CD36: variants seen among roughly 807,000 people sequenced by gnomAD.
CD36 encodes the protein CD36 molecule (CD36 blood group).
In CD36, 119 loss-of-function variants were observed where a neutral mutation model predicts 55.2. That is an observed-to-expected ratio of 2.15 (90% CI 1.86 to 2.51). CD36 has a LOEUF of 2.51. Among genes scored for constraint, CD36 ranks in the 30% most tolerant of loss-of-function variants. The pLI, the probability that CD36 is intolerant of heterozygous loss-of-function variation, is 0.00. For missense variants in CD36, 819 were observed against 555.5 expected (o/e 1.47, Z -4.77); for synonymous variants, 186 against 193.6 (o/e 0.96, Z 0.33).
upstream of CD36, among the ~76,000 whole-genome samples, chr7:80,634,904 C>A (rs1794296132): frequency 6.6e-6 from 1 of 151,594 alleles, no homozygotes; most frequent in Admixed American, 6.6e-5. Flanking sequence ...GTAAACATTT[C>A]TGTAAGTTAC....
chr7:80,604,399 A>G (rs1389224588), intron 1 of CD36, among the ~76,000 whole-genome samples: 1 of 75,552 alleles, frequency 1.3e-5, no homozygotes. Context: ...TTAGCAAAGT[A>G]TGCCATTGGT....
At chr7:80,622,089 A>G (rs903602364) in intron 1 of CD36, among the ~76,000 whole-genome samples, 1 of 152,232 alleles carries the variant, frequency 6.6e-6, no homozygotes, top group Non-Finnish European at 1.5e-5. Context: ...CTGAGTCCGT[A>G]AAAGGCCCCA....
upstream of CD36, among the ~76,000 whole-genome samples, chr7:80,637,876 G>C (rs1046382145): frequency 2.0e-5 from 3 of 149,950 alleles, no homozygotes; most frequent in Middle Eastern, 7.0e-3. Flanking sequence ...AAAGTGCAAG[G>C]CCTTCTATTT....
intron 14 of CD36, among the ~76,000 whole-genome samples, chr7:80,674,973 C>T (rs73378970): frequency 1.1e-3 from 170 of 152,234 alleles, no homozygotes; most frequent in African/African-American, 3.8e-3. Flanking sequence ...AGCATCCATT[C>T]TATCTTCTAG....
intron 1 of CD36, among the ~76,000 whole-genome samples, chr7:80,629,647 A>G (rs1390490618): frequency 2.0e-5 from 3 of 152,036 alleles, no homozygotes; most frequent in Admixed American, 6.6e-5. Flanking sequence ...AAGTCTTGAA[A>G]TGTTGCTTTC....
chr7:80,666,831 T>C (rs1348447211), intron 8 of CD36, among the ~76,000 whole-genome samples: 1 of 152,170 alleles, frequency 6.6e-6, no homozygotes, highest in Non-Finnish European at 1.5e-5. Flanking sequence ...ATAAATAGTA[T>C]ACAGATAAGT....
intron 1 of CD36, among the ~76,000 whole-genome samples, chr7:80,603,258 T>A (rs1230802587): frequency 6.6e-6 from 1 of 152,148 alleles, no homozygotes; most frequent in African/African-American, 2.4e-5. Context: ...CAGTTCCTTC[T>A]GTTTCTCCAT....
chr7:80,670,689 T>TAAA, intron 9 of CD36: 1 of 407,158 alleles, frequency 2.5e-6, no homozygotes, highest in Non-Finnish European at 4.5e-6. Context: ...TGATCACAAA[T>TAAA]AAAGTATTTG....
chr7:80,606,130 T>C (rs890773834), intron 1 of CD36, among the ~76,000 whole-genome samples: 6 of 134,240 alleles, frequency 4.5e-5, no homozygotes, highest in Admixed American at 4.3e-4. Context: ...ATATTCATCT[T>C]CTACTAAGGA....
At chr7:80,642,235 C>G (rs977391358) in intron 1 of CD36, among the ~76,000 whole-genome samples, 2 of 152,050 alleles carry the variant, frequency 1.3e-5, no homozygotes, top group African/African-American at 4.8e-5. Flanking sequence ...GTATCAATAT[C>G]TTGTCTGTTT....
rs762717539 is a variant in CD36, at chr7:80,674,056, T to C, written c.1328T>C (p.Leu443Pro). The change falls in exon 14 of 15, where the codon CTG (leucine) becomes CCG (proline). Residue 443 changes from leucine to proline, a missense_variant. Coordinates refer to ENST00000447544, the MANE Select transcript of CD36 (RefSeq NM_001001548.3). ...ACTGGAAAAATAAACCTCCTTGGCC[T>C]GATAGAAATGATCTTACTCAGTGTT... The part of the protein sequence containing the change: ...QVTGKINLLG[L>P]IEMILLSVGV... 2 of 1,611,990 alleles carry C rather than the reference T, an allele frequency of 1.2e-6. No homozygotes were observed. Among genetic ancestry groups the C allele is most frequent in the Admixed American group, 1.7e-5 (1 of 59,858 alleles).
chr7:80,657,079 T>C (rs910365523), intron 4 of CD36, among the ~76,000 whole-genome samples: 11 of 152,128 alleles, frequency 7.2e-5, no homozygotes, highest in African/African-American at 2.4e-4. Context: ...AAAAATCAGT[T>C]TTCACATCTT....
chr7:80,614,224 C>G (rs1286421723), intron 1 of CD36, among the ~76,000 whole-genome samples: 1 of 152,084 alleles, frequency 6.6e-6, no homozygotes, highest in Admixed American at 6.6e-5. Context: ...GTTTGTTTCT[C>G]CAGAGCACAT....
At chr7:80,666,326 C>T in intron 7 of CD36, 117 bp from the exon 8 acceptor site, 1 of 737,236 alleles carries the variant, frequency 1.4e-6, no homozygotes, top group African/African-American at 1.7e-5. Flanking sequence ...AAACTTAGTA[C>T]TTGTCACATT....
At chr7:80,645,585 T>A (rs537111510) in intron 1 of CD36, among the ~76,000 whole-genome samples, 2 of 152,060 alleles carry the variant, frequency 1.3e-5, no homozygotes, top group South Asian at 4.2e-4. Flanking sequence ...TGAGCCGAGA[T>A]CGTGCCACTG....
intron 1 of CD36, among the ~76,000 whole-genome samples, chr7:80,610,669 AG>A (rs1792828811): frequency 6.6e-6 from 1 of 151,706 alleles, no homozygotes; most frequent in South Asian, 2.1e-4. Flanking sequence ...CTGGCTCCTG[AG>A]TTCAAGCGAT....
chr7:80,622,349 C>T (rs972325070), intron 1 of CD36, among the ~76,000 whole-genome samples: 2 of 152,220 alleles, frequency 1.3e-5, no homozygotes, highest in Admixed American at 6.5e-5. Flanking sequence ...CGAGGGTCCC[C>T]GGCTTGCAAA....
intron 1 of CD36, among the ~76,000 whole-genome samples, chr7:80,612,074 G>C (rs1024401782): frequency 1.6e-4 from 24 of 152,308 alleles, no homozygotes; most frequent in African/African-American, 5.8e-4. Flanking sequence ...AATAATATCA[G>C]CCCAGCTCCT....
intron 1 of CD36, among the ~76,000 whole-genome samples, chr7:80,615,998 G>A (rs909359128): frequency 2.6e-5 from 4 of 152,176 alleles, no homozygotes; most frequent in Non-Finnish European, 5.9e-5. Context: ...AGCCTTAACA[G>A]ATAACACTTT....
Sources: gnomAD v4.1 joint callset for allele counts (sites outside exome capture counted in the v4.1 genomes callset) on GRCh38, gnomAD v4.1.1 for gene constraint, MANE v1.5 for transcripts, NCBI Gene and HGNC (gene_info 2026-07-23, HGNC 2026-07-21) for gene names.